Variants in ENPP6 observed in about 807,000 individuals in gnomAD.
ENPP6 encodes glycerophosphocholine cholinephosphodiesterase ENPP6.
ENPP6 carries 32 observed loss-of-function variants against 42.0 expected under a neutral mutation model. That is an observed-to-expected ratio of 0.76 (90% CI 0.58 to 1.02). The LOEUF is 1.02. Among genes scored for constraint, ENPP6 ranks in the 50% least tolerant of loss-of-function variants. The pLI, the probability that ENPP6 is intolerant of heterozygous loss-of-function variation, is 0.00. For synonymous variants in ENPP6, 213 were observed against 216.0 expected, an observed-to-expected ratio of 0.99 and a Z score of 0.12; for missense variants, 552 against 566.8, an observed-to-expected ratio of 0.97 and a Z score of 0.27.
chr4:184,178,285 A>G (rs1057174514), intron 1 of ENPP6, among the ~76,000 whole-genome samples: 1 of 152,136 alleles, frequency 6.6e-6, no homozygotes, highest in Non-Finnish European at 1.5e-5. Flanking sequence ...CTTGAAGACT[A>G]TCTTGCTGAA....
intron 2 of ENPP6, among the ~76,000 whole-genome samples, chr4:184,126,405 T>A (rs1736504022): frequency 6.6e-6 from 1 of 152,214 alleles, no homozygotes; most frequent in African/African-American, 2.4e-5. Context: ...GGAGCTGTTG[T>A]TATAGTGCTA....
chr4:184,205,575 C>T (rs893741225), intron 1 of ENPP6, among the ~76,000 whole-genome samples: 1 of 152,268 alleles, frequency 6.6e-6, no homozygotes, highest in Non-Finnish European at 1.5e-5. Flanking sequence ...TGGGGTACAA[C>T]AGAACCCGCT....
Position 184,146,770 on chromosome 4 carries a change from C to T in ENPP6, c.421+6784G>A, listed in dbSNP as rs1221333997. Among the ~76,000 whole-genome samples the T allele has an allele frequency of 2.6e-5, 4 of 152,182 alleles. 1 individual carries two copies. Among genetic ancestry groups the T allele is most frequent in the Non-Finnish European group, 5.9e-5 (4 of 68,032 alleles). On this transcript the variant is annotated intron_variant, in intron 2 of 7. Coordinates refer to ENST00000296741, the MANE Select transcript of ENPP6 (RefSeq NM_153343.4). Reference sequence around the variant, plus strand: ...GGATGGGGCCCTCATCAGATGGCTACGCAGAGAGTGATACTACCTCCCCTT... The same window carrying T: ...GGATGGGGCCCTCATCAGATGGCTATGCAGAGAGTGATACTACCTCCCCTT...
chr4:184,159,240 A>C (rs145512927), intron 1 of ENPP6, among the ~76,000 whole-genome samples: 1 of 152,368 alleles, frequency 6.6e-6, no homozygotes, highest in East Asian at 1.9e-4. Flanking sequence ...TTTTTATAGA[A>C]AAAGCAAATT....
intron 1 of ENPP6, among the ~76,000 whole-genome samples, chr4:184,215,309 G>A (rs2111128173): frequency 6.6e-6 from 1 of 152,308 alleles, no homozygotes; most frequent in Non-Finnish European, 1.5e-5. Flanking sequence ...AAAAGATCTA[G>A]CATAGCAATT....
chr4:184,098,499 G>C (rs1166822536), intron 6 of ENPP6, among the ~76,000 whole-genome samples: 1 of 152,072 alleles, frequency 6.6e-6, no homozygotes, highest in East Asian at 1.9e-4. Context: ...TTCTGGCCCT[G>C]CCCTTGGGAG....
chr4:184,138,907 C>T (rs933016044), intron 2 of ENPP6, among the ~76,000 whole-genome samples: 1 of 152,228 alleles, frequency 6.6e-6, no homozygotes, highest in Non-Finnish European at 1.5e-5. Context: ...GAAGAAACTT[C>T]GAAGCCAGGG....
intron 1 of ENPP6, among the ~76,000 whole-genome samples, chr4:184,179,690 TC>T (rs147276419): frequency 0.11 from 16,435 of 152,036 alleles, 1,193 homozygotes; most frequent in South Asian, 0.23. Context: ...AACAGCACAA[TC>T]AAATTAGAAC....
chr4:184,209,632 G>A lies in ENPP6; in HGVS notation c.241+7947C>T, dbSNP rs1239562353. 4.2e-3 allele frequency among the ~76,000 whole-genome samples: 640 copies of A among 150,836 alleles called. 5 individuals carry two copies. The highest frequency in any genetic ancestry group is 6.7e-3 in the Non-Finnish European group (451 of 67,686). ...TGATTTGTGTACCTGAAAGTGATGG[G>A]GAGAATGGAACCAAGTTGGAAAACA... is the stretch of plus-strand genomic sequence containing the variant. On this transcript the variant is annotated intron_variant, in intron 1 of 7. Transcript: ENST00000296741.
chr4:184,117,495 A>C (rs915412851), intron 4 of ENPP6, among the ~76,000 whole-genome samples: 3 of 152,246 alleles, frequency 2.0e-5, no homozygotes, highest in Admixed American at 1.3e-4. Flanking sequence ...ACTTATTAGG[A>C]GTCCACAGAG....
chr4:184,178,855 T>C (rs1406204542), intron 1 of ENPP6, among the ~76,000 whole-genome samples: 1 of 152,280 alleles, frequency 6.6e-6, no homozygotes, highest in East Asian at 1.9e-4. Flanking sequence ...CAGGTCTGTG[T>C]TGCAAGAGCT....
chr4:184,169,334 C>CCTCT (rs932559895), intron 1 of ENPP6, among the ~76,000 whole-genome samples: 2 of 148,822 alleles, frequency 1.3e-5, no homozygotes, highest in African/African-American at 5.0e-5. Context: ...CTCTCGGTGG[C>CCTCT]CGAGCTGGGA....
At chr4:184,176,658 C>A (rs1276957372) in intron 1 of ENPP6, among the ~76,000 whole-genome samples, 1 of 152,192 alleles carries the variant, frequency 6.6e-6, no homozygotes, top group Admixed American at 6.5e-5. Flanking sequence ...CACTCTCATG[C>A]TGGTGGGGTC....
In ENPP6 at chr4:184,091,361, G is replaced by T; in HGVS notation, c.1139C>A (p.Ala380Asp). 1.2e-6 allele frequency: 2 copies of T among 1,606,022 alleles called. No individual in the cohort carries two copies. Among genetic ancestry groups the T allele is most frequent in the Non-Finnish European group, 1.7e-6 (2 of 1,176,684 alleles). Residue 380 changes from alanine (A) to aspartate (D), a missense_variant, in exon 8 of 8, where the codon GCT becomes GAT. Physicochemically the swap from Ala to Asp is moderately radical, Grantham distance 126. Around this residue, in one of 2 missense-constraint regions of ENPP6, gnomAD observed 545 missense variants for 546.3 expected, o/e 1.00. Transcript: ENST00000296741. ...FGPDFKSNFR[A>D]APIRSVDVYN... ...GACGTCCACCGACCTGATAGGAGCA[G>T]CTCTGAAGTTGGATTTGAAATCTGA... is the stretch of plus-strand genomic sequence containing the variant.
rs1295614121 is a variant in ENPP6 at position 184,117,990 on chromosome 4, A to AC, written c.534-91dup. ...CCCATAGCACTCTCTGAAGGTGTTC[A>AC]CGCCCCCCGAAACCTTGTCCCTGGG... is the stretch of plus-strand genomic sequence containing the variant. On this transcript the variant is annotated intron_variant, in intron 3 of 7. Transcript: ENST00000296741. The AC allele has an allele frequency of 4.8e-5, 70 of 1,471,220 alleles. No homozygotes were observed. The African/African-American group carries it at 9.2e-4, about 19-fold the overall frequency. The allele number at this position is 1,471,220 out of a possible 1,614,324, so 91.1% of individuals were successfully genotyped here. A position where few individuals can be genotyped will look rare whatever the true frequency, so the allele number is the denominator to read the frequency against.
chr4:184,152,716 G>C (rs939625690), intron 2 of ENPP6, among the ~76,000 whole-genome samples: 1 of 152,218 alleles, frequency 6.6e-6, no homozygotes, highest in Non-Finnish European at 1.5e-5. Context: ...CTTAATGAAA[G>C]ATATTCAGTG....
chr4:184,131,520 A>ATTTTTTTTTTTTTTT (rs58927070), intron 2 of ENPP6, among the ~76,000 whole-genome samples: 1 of 136,712 alleles, frequency 7.3e-6, no homozygotes, highest in African/African-American at 2.8e-5. Context: ...TGCCCAGCTA[A>ATTTTTTTTTTTTTTT]TTTTTTTTTT....
chr4:184,115,805 T>A (rs534263364), intron 5 of ENPP6, among the ~76,000 whole-genome samples: 1 of 152,130 alleles, frequency 6.6e-6, no homozygotes, highest in Non-Finnish European at 1.5e-5. Flanking sequence ...TACCCTCTTG[T>A]TCCCCGACAG....
intron 2 of ENPP6, among the ~76,000 whole-genome samples, chr4:184,130,438 G>T (rs1421217317): frequency 1.0e-5 from 1 of 99,226 alleles, no homozygotes; most frequent in Non-Finnish European, 2.2e-5. Context: ...GGCACCTGTA[G>T]TCCCAGCTAC....
Sources: gnomAD v4.1 joint callset for allele counts (sites outside exome capture counted in the v4.1 genomes callset) on GRCh38, gnomAD v4.1.1 for gene constraint, gnomAD v4.1.1 regional missense constraint, MANE v1.5 for transcripts, NCBI Gene and HGNC (gene_info 2026-07-23, HGNC 2026-07-21) for gene names.